The following HPS4 variants were observed in gnomAD, a reference collection of about 807,000 sequenced individuals.
HPS4 encodes BLOC-3 complex member HPS4.
In HPS4, 44 loss-of-function variants were observed where a neutral mutation model predicts 70.3. That is an observed-to-expected ratio of 0.63 (90% CI 0.49 to 0.80). The LOEUF (loss-of-function observed/expected upper bound fraction) is 0.80. HPS4 is among the 30% of genes least tolerant of loss of function. The probability of loss-of-function intolerance (pLI) is 0.00; values close to 1 mark genes in which losing one functional copy is unlikely to be tolerated. For missense variants in HPS4, 873 were observed against 884.4 expected (o/e 0.99, Z 0.16); for synonymous variants, 377 against 355.9 (o/e 1.06, Z -0.67).
intron 6 of HPS4, chr22:26,471,072 G>A: frequency 6.5e-6 from 4 of 611,576 alleles, no homozygotes; most frequent in Non-Finnish European, 8.7e-6. Context: ...AGCAAATATG[G>A]CATATGGCTA....
At chr22:26,470,869 G>A (rs982216574) in intron 6 of HPS4, 56 bp from the exon 7 acceptor site, 22 of 1,606,578 alleles carry the variant, frequency 1.4e-5, no homozygotes, top group Non-Finnish European at 1.8e-5. Context: ...AATCAGGAAG[G>A]GAGAAAAGGG....
chr22:26,468,424 T>A (rs2089127760), intron 8 of HPS4, 127 bp downstream of exon 8: 2 of 789,486 alleles, frequency 2.5e-6, no homozygotes, highest in Non-Finnish European at 2.2e-6. Context: ...TTGGAGGACT[T>A]GGGGTCCTGA....
At chr22:26,456,940 T>C (rs905441971) in intron 13 of HPS4, among the ~76,000 whole-genome samples, 22 of 152,192 alleles carry the variant, frequency 1.4e-4, no homozygotes, top group Non-Finnish European at 3.2e-4. Flanking sequence ...TCTTCTGGCA[T>C]GGAGGTGTTC....
intron 6 of HPS4, 87 bp downstream of exon 6, chr22:26,472,215 A>C (rs889173435): frequency 5.7e-6 from 5 of 880,704 alleles, no homozygotes; most frequent in Non-Finnish European, 9.7e-6. Context: ...TCACTTTTCC[A>C]GATATAGTTC....
chr22:26,449,780 G>A (rs2085081656), downstream of HPS4, among the ~76,000 whole-genome samples: 1 of 152,210 alleles, frequency 6.6e-6, no homozygotes, highest in African/African-American at 2.4e-5. Flanking sequence ...GTTGGCAGGA[G>A]GATGGATTTG....
In HPS4 at chr22:26,472,393, G is replaced by A. The variant is rs150403254; in HGVS notation, c.410C>T (p.Thr137Met). 20 of 1,611,468 alleles carry A rather than the reference G, an allele frequency of 1.2e-5. No individual in the cohort carries two copies. Among genetic ancestry groups the A allele is most frequent in the African/African-American group, 2.7e-5 (2 of 74,998 alleles). The change falls in exon 6 of 14, where the codon ACG (threonine) becomes ATG (methionine). Residue 137 changes from threonine to methionine, a missense_variant. Coordinates refer to ENST00000398145, the MANE Select transcript of HPS4 (RefSeq NM_022081.6). Reference protein sequence around the residue: ...YENCSQEELSTEWDTFIEQIL... With the variant: ...YENCSQEELSMEWDTFIEQIL... ...TTGCTCGATGAAGGTGTCCCACTCC[G>A]TGCTCAGTTCTTCCTGAGAACAGTT...
At chr22:26,479,204 A>G (rs2090994538) in intron 3 of HPS4, 61 bp downstream of exon 3, 1 of 1,559,638 alleles carries the variant, frequency 6.4e-7, no homozygotes, top group Non-Finnish European at 8.8e-7. Flanking sequence ...CATACTTTTG[A>G]AAAGTCACCA....
chr22:26,463,870 A>G, intron 11 of HPS4, 47 bp downstream of exon 11: 3 of 1,589,646 alleles, frequency 1.9e-6, no homozygotes, highest in Non-Finnish European at 2.6e-6. Flanking sequence ...AGCACAGGAG[A>G]TCGGCAGAGG....
At chr22:26,458,821 G>GAA (rs370283156) in intron 11 of HPS4, among the ~76,000 whole-genome samples, 2 of 125,988 alleles carry the variant, frequency 1.6e-5, no homozygotes, top group Non-Finnish European at 1.7e-5. Flanking sequence ...ACTCTGTCTC[G>GAA]AAAAAAAAAA....
Position 26,453,201 on chromosome 22 carries a change from T to G in HPS4, c.*32A>C. 6.2e-7 allele frequency: 1 copy of G among 1,609,662 alleles called. No homozygotes were observed. The highest frequency in any genetic ancestry group is 8.5e-7 in the Non-Finnish European group (1 of 1,176,334). On this transcript the variant is annotated 3_prime_UTR_variant, in exon 14 of 14. Coordinates refer to ENST00000398145, the MANE Select transcript of HPS4 (RefSeq NM_022081.6). ...AAAAGGCAGAGCTTCCTTTGCTGGT[T>G]TTCTCCTTCCCAGTCACCTCCTGGG...
At chr22:26,480,349 A>AT (rs934333985) in intron 2 of HPS4, among the ~76,000 whole-genome samples, 1 of 151,842 alleles carries the variant, frequency 6.6e-6, no homozygotes, top group African/African-American at 2.4e-5. Flanking sequence ...TTTTTTTTAA[A>AT]TTTTTTATAG....
intron 3 of HPS4, chr22:26,444,704 G>A (rs1003327027): frequency 2.0e-5 from 3 of 152,382 alleles, no homozygotes; most frequent in African/African-American, 7.2e-5. Context: ...ACTGTTGGAA[G>A]AAAACACAGT....
rs758547221 is a variant in HPS4 at position 26,466,245 on chromosome 22, C to A, written c.687G>T (p.Glu229Asp). The A allele has an allele frequency of 6.2e-7, 1 of 1,614,172 alleles. No homozygotes were observed. Among genetic ancestry groups the A allele is most frequent in the Non-Finnish European group, 8.5e-7 (1 of 1,180,006 alleles). The part of the protein sequence containing the change: ...APQEQRLPTG[E>D]DAPQEHGAAL... The stretch of plus-strand genomic sequence containing the variant: ...ACTTACCATGTTCCTGCGGGGCATC[C>A]TCTCCCGTAGGGAGTCTCTGAAAAC... The change falls in exon 9 of 14, where the codon GAG becomes GAT. Residue 229 changes from glutamate (E) to aspartate (D), a missense_variant. Glu to Asp is a conservative substitution (Grantham distance 45, BLOSUM62 2). Transcript: ENST00000398145.
chr22:26,458,339 A>G, intron 12 of HPS4, 106 bp downstream of exon 12: 1 of 1,426,838 alleles, frequency 7.0e-7, no homozygotes, highest in Non-Finnish European at 9.9e-7. Flanking sequence ...AGGTCAGACA[A>G]CTCTGTGCAC....
chr22:26,483,104 T>G (rs920797746), intron 1 of HPS4, among the ~76,000 whole-genome samples: 3 of 152,216 alleles, frequency 2.0e-5, no homozygotes, highest in Non-Finnish European at 2.9e-5. Context: ...TCTCTATCTC[T>G]TCTCAGCTCT....
At chr22:26,483,093 A>G (rs2091456869) in intron 1 of HPS4, among the ~76,000 whole-genome samples, 1 of 152,168 alleles carries the variant, frequency 6.6e-6, no homozygotes, top group African/African-American at 2.4e-5. Flanking sequence ...GGCCTGTAAA[A>G]TCTCTATCTC....
At position 26,464,167 on chromosome 22, in the gene HPS4, T is replaced by C; in HGVS notation, c.1463A>G (p.Gln488Arg). The change falls in exon 11 of 14, where the codon CAA becomes CGA. Residue 488 changes from glutamine to arginine, a missense_variant. Physicochemically the swap from Gln to Arg is conservative, Grantham distance 43. Coordinates refer to ENST00000398145, the MANE Select transcript of HPS4 (RefSeq NM_022081.6). ...CCCATCAACATCCTCATCCAGGCCT[T>C]GTTCCCCCGTGGGAAGCTTGTTTCC... The part of the protein sequence containing the change: ...QRGNKLPTGE[Q>R]GLDEDVDGVC... The C allele has an allele frequency of 1.2e-6, 2 of 1,614,200 alleles. No homozygotes were observed. The highest frequency in any genetic ancestry group is 1.7e-6 in the Non-Finnish European group (2 of 1,180,030).
rs1325178680 is a variant in HPS4, at chr22:26,451,127, A to C, written c.*2106T>G. 1.3e-5 allele frequency among the ~76,000 whole-genome samples: 2 copies of C among 152,318 alleles called. No homozygotes were observed. The highest frequency in any genetic ancestry group is 3.4e-3 in the Middle Eastern group (1 of 294). The stretch of plus-strand genomic sequence containing the variant: ...GTCCAGGGTGGGCAGGCTGTCCTGC[A>C]CACTGCCTTCCCTTGGGAAACATGG... On this transcript the variant is annotated 3_prime_UTR_variant, in exon 14 of 14. Coordinates refer to ENST00000398145, the MANE Select transcript of HPS4 (RefSeq NM_022081.6).
Position 26,464,748 on chromosome 22 carries a change from T to C in HPS4, c.882A>G (p.Lys294=). 2 of 1,589,774 alleles carry C rather than the reference T, an allele frequency of 1.3e-6. No individual in the cohort carries two copies. Among genetic ancestry groups the C allele is most frequent in the Non-Finnish European group, 1.7e-6 (2 of 1,166,978 alleles). Residue 294 remains lysine, a synonymous_variant, in exon 11 of 14, where the codon AAA becomes AAG. Transcript: ENST00000398145. Reference sequence around the variant, plus strand: ...ATTCCACATGGCCAGTGGCGTTTTCTTTCAGGGCAGATGTGCTCCCACCCT... The same window carrying C: ...ATTCCACATGGCCAGTGGCGTTTTCCTTCAGGGCAGATGTGCTCCCACCCT... ...HPKGGSTSAL[K]ENATGHVESM...
Sources: gnomAD v4.1 joint callset for allele counts (sites outside exome capture counted in the v4.1 genomes callset) on GRCh38, gnomAD v4.1.1 for gene constraint, MANE v1.5 for transcripts, NCBI Gene and HGNC (gene_info 2026-07-23, HGNC 2026-07-21) for gene names.